The following PRMT3 variants were observed in gnomAD, a reference collection of about 807,000 sequenced individuals.
The protein encoded by PRMT3 is protein arginine N-methyltransferase 3.
In PRMT3, 62 loss-of-function variants were observed where a neutral mutation model predicts 71.9. The observed-to-expected ratio is 0.86, with a 90% CI of 0.70 to 1.07. The LOEUF (loss-of-function observed/expected upper bound fraction) is 1.07, where lower values mean the gene tolerates loss of function less well. PRMT3 is among the 50% of genes least tolerant of loss of function. The probability of loss-of-function intolerance (pLI) is 0.00; values close to 1 mark genes in which losing one functional copy is unlikely to be tolerated. For synonymous variants in PRMT3, 213 were observed against 220.4 expected (o/e 0.97, Z 0.30); for missense variants, 663 against 643.0 (o/e 1.03, Z -0.34).
rs561464694 is a variant in PRMT3 at position 20,488,504 on chromosome 11, ACT to A, written c.1348-5412_1348-5411del. 2.2e-3 allele frequency among the ~76,000 whole-genome samples: 336 copies of A among 152,270 alleles called. 1 individual carries two copies. The highest frequency in any genetic ancestry group is 7.8e-3 in the African/African-American group (325 of 41,578). On this transcript the variant is annotated intron_variant, in intron 13 of 15. Coordinates refer to ENST00000331079, the MANE Select transcript of PRMT3 (RefSeq NM_005788.4). The stretch of plus-strand genomic sequence containing the variant: ...TGATTCTGCTGCATGGATTACAAGC[ACT>A]CTATCTCCATGCTTGGATAAACTCC...
chr11:20,480,401 G>A (rs1850901791), intron 13 of PRMT3, among the ~76,000 whole-genome samples: 1 of 152,136 alleles, frequency 6.6e-6, no homozygotes, highest in Non-Finnish European at 1.5e-5. Flanking sequence ...GTTGACCAAA[G>A]CCAAAAAATG....
rs532011386 is a variant in PRMT3, at chr11:20,430,885, A to G, written c.993+4020A>G. Among the ~76,000 whole-genome samples, 4 of 152,300 alleles carry G rather than the reference A, an allele frequency of 2.6e-5. No homozygotes were observed. In the South Asian group the frequency reaches 6.2e-4, roughly 24 times the overall value. On this transcript the variant is annotated intron_variant, in intron 10 of 15. Transcript: ENST00000331079. ...ACAGTTTAATCCCTGGAAGATGTTA[A>G]TACCTATGTCTTTGTGTATGTGTCC...
intron 13 of PRMT3, among the ~76,000 whole-genome samples, chr11:20,478,793 A>G (rs1850859534): frequency 6.6e-6 from 1 of 152,118 alleles, no homozygotes; most frequent in Non-Finnish European, 1.5e-5. Flanking sequence ...TAGCCCATTT[A>G]TTTGCAATTG....
At chr11:20,497,737 T>C (rs1211447493) in intron 15 of PRMT3, among the ~76,000 whole-genome samples, 1 of 152,176 alleles carries the variant, frequency 6.6e-6, no homozygotes, top group Non-Finnish European at 1.5e-5. Context: ...TTGGAGCAAA[T>C]GTGTACCAAG....
chr11:20,397,349 G>T (rs568051120), intron 6 of PRMT3, among the ~76,000 whole-genome samples: 3 of 152,132 alleles, frequency 2.0e-5, no homozygotes, highest in Admixed American at 2.0e-4. Context: ...TACAATCTGC[G>T]GTTGGCATTG....
At chr11:20,432,611 A>G (rs1849677965) in intron 10 of PRMT3, among the ~76,000 whole-genome samples, 1 of 152,008 alleles carries the variant, frequency 6.6e-6, no homozygotes, top group Non-Finnish European at 1.5e-5. Flanking sequence ...TAATAGTTCT[A>G]TTTTTAGTTT....
intron 10 of PRMT3, among the ~76,000 whole-genome samples, chr11:20,434,265 C>T (rs1290138678): frequency 1.3e-5 from 2 of 152,142 alleles, no homozygotes; most frequent in Non-Finnish European, 2.9e-5. Context: ...CTTATAGATG[C>T]TGGTTATTAG....
At chr11:20,493,008 G>A (rs947218420) in intron 13 of PRMT3, among the ~76,000 whole-genome samples, 1 of 152,160 alleles carries the variant, frequency 6.6e-6, no homozygotes, top group African/African-American at 2.4e-5. Flanking sequence ...AAAGCCAGGT[G>A]TGGTGGCGCA....
Position 20,495,642 on chromosome 11 carries a change from C to T in PRMT3, c.1486+1388C>T, listed in dbSNP as rs533218258. On this transcript the variant is annotated intron_variant, in intron 15 of 15. Transcript: ENST00000331079. ...CAGATTCTATTTTTTATTTTAAAAA[C>T]TCATTGATTGTTCACTTACATTAGC... is the stretch of plus-strand genomic sequence containing the variant. Among the ~76,000 whole-genome samples the T allele has an allele frequency of 3.3e-5, 5 of 152,148 alleles. No individual in the cohort carries two copies. In the South Asian group the frequency reaches 1.0e-3, roughly 31 times the overall value.
chr11:20,444,667 G>A (rs1849983511), intron 10 of PRMT3, among the ~76,000 whole-genome samples: 1 of 152,122 alleles, frequency 6.6e-6, no homozygotes, highest in Non-Finnish European at 1.5e-5. Flanking sequence ...TTATGGCCCA[G>A]CATGTGGTCT....
chr11:20,464,641 A>G, intron 13 of PRMT3, 95 bp downstream of exon 13: 1 of 1,539,362 alleles, frequency 6.5e-7, no homozygotes, highest in Admixed American at 2.0e-5. Context: ...ACAAATGAAA[A>G]TGACTATTGC....
chr11:20,452,754 A>G (rs1421088174), intron 11 of PRMT3, among the ~76,000 whole-genome samples: 1 of 152,184 alleles, frequency 6.6e-6, no homozygotes, highest in Non-Finnish European at 1.5e-5. Context: ...TCTGGAAAAC[A>G]TTTAATCATA....
chr11:20,423,659 A>T (rs1279328837), intron 9 of PRMT3, among the ~76,000 whole-genome samples: 2 of 152,102 alleles, frequency 1.3e-5, no homozygotes, highest in Non-Finnish European at 2.9e-5. Flanking sequence ...TCCATTGAAG[A>T]TAATTTGCCT....
At chr11:20,451,801 A>G (rs1284582123) in intron 10 of PRMT3, among the ~76,000 whole-genome samples, 1 of 152,164 alleles carries the variant, frequency 6.6e-6, no homozygotes, top group Non-Finnish European at 1.5e-5. Flanking sequence ...TGGATATTGC[A>G]TCATTCCAGG....
intron 9 of PRMT3, among the ~76,000 whole-genome samples, chr11:20,423,249 A>G (rs1386094629): frequency 1.3e-5 from 2 of 152,016 alleles, no homozygotes; most frequent in Non-Finnish European, 2.9e-5. Context: ...TATTTCCTTC[A>G]TTGTACATTT....
intron 13 of PRMT3, among the ~76,000 whole-genome samples, chr11:20,482,127 TAG>T (rs1484692926): frequency 6.6e-6 from 1 of 152,104 alleles, no homozygotes; most frequent in Non-Finnish European, 1.5e-5. Flanking sequence ...ATAGAGTTAA[TAG>T]AGATTCGTGT....
chr11:20,469,730 G>C (rs770400975), intron 13 of PRMT3, among the ~76,000 whole-genome samples: 16 of 152,132 alleles, frequency 1.1e-4, no homozygotes, highest in Non-Finnish European at 1.9e-4. Context: ...CAGGTTTTCA[G>C]ATTATGAATA....
At chr11:20,434,983 T>G (rs1849730895) in intron 10 of PRMT3, among the ~76,000 whole-genome samples, 1 of 152,214 alleles carries the variant, frequency 6.6e-6, no homozygotes, top group Non-Finnish European at 1.5e-5. Flanking sequence ...AGTGTGACCA[T>G]TTCAATGATA....
intron 13 of PRMT3, among the ~76,000 whole-genome samples, chr11:20,486,530 A>G (rs1459268466): frequency 6.6e-6 from 1 of 152,150 alleles, no homozygotes; most frequent in Non-Finnish European, 1.5e-5. Flanking sequence ...AAGAAACAAA[A>G]CATCTCAGCA....
Sources: gnomAD v4.1 joint callset for allele counts (sites outside exome capture counted in the v4.1 genomes callset) on GRCh38, gnomAD v4.1.1 for gene constraint, MANE v1.5 for transcripts, NCBI Gene and HGNC (gene_info 2026-07-23, HGNC 2026-07-21) for gene names.